FKBP15: variants seen among roughly 807,000 people sequenced by gnomAD.
FKBP15 encodes FKBP prolyl isomerase family member 15, also known as FK506-binding protein 15.
A neutral mutation model predicts 158.1 loss-of-function variants in FKBP15; 106 were observed. The ratio of observed to expected loss-of-function variants is 0.67; its 90% CI spans 0.57 to 0.79. FKBP15 has a LOEUF of 0.79. Ranked by LOEUF, FKBP15 falls within the 30% of genes least tolerant of loss-of-function variation. The probability of loss-of-function intolerance (pLI) is 0.00; values close to 1 mark genes in which losing one functional copy is unlikely to be tolerated. For synonymous variants in FKBP15, 547 were observed against 548.6 expected (o/e 1.00, Z 0.04); for missense variants, 1,287 against 1,479.1 (o/e 0.87, Z 2.13).
chr9:113,210,793 G>C (rs555572188), intron 2 of FKBP15, among the ~76,000 whole-genome samples: 1 of 152,316 alleles, frequency 6.6e-6, no homozygotes, highest in African/African-American at 2.4e-5. Flanking sequence ...GAAGAAGGTG[G>C]AAGGGGCTGA....
chr9:113,161,559 G>A lies in FKBP15; in HGVS notation c.*4519C>T. On this transcript the variant is annotated 3_prime_UTR_variant, in exon 28 of 28. Transcript: ENST00000238256. ...CCTGCTTCTGGCTGTACTGTATGAAGGCATCAAGGTTGGCAAAGCCAAGCT... is the reference window on the plus strand; with the variant it reads ...CCTGCTTCTGGCTGTACTGTATGAAAGCATCAAGGTTGGCAAAGCCAAGCT... 6.2e-7 allele frequency: 1 copy of A among 1,614,024 alleles called. No individual in the cohort carries two copies. Among genetic ancestry groups the A allele is most frequent in the East Asian group, 2.2e-5 (1 of 44,882 alleles).
At chr9:113,200,651 T>A (rs1387469243) in intron 6 of FKBP15, among the ~76,000 whole-genome samples, 1 of 152,198 alleles carries the variant, frequency 6.6e-6, no homozygotes, top group African/African-American at 2.4e-5. Flanking sequence ...CAATATAGTA[T>A]GAAAGATCTT....
Position 113,169,303 on chromosome 9 carries a change from T to C in FKBP15, c.3406A>G (p.Lys1136Glu), listed in dbSNP as rs1336675905. 27 of 1,614,032 alleles carry C rather than the reference T, an allele frequency of 1.7e-5. No homozygotes were observed. In the African/African-American group the frequency reaches 3.1e-4, roughly 18 times the overall value. The change falls in exon 26 of 28, where the codon AAG becomes GAG. Residue 1136 changes from lysine to glutamate, a missense_variant. Coordinates refer to ENST00000238256, the MANE Select transcript of FKBP15 (RefSeq NM_015258.2). Reference protein sequence around the residue: ...DDVTSSTGPHKELSSTEAGST... With the variant: ...DDVTSSTGPHEELSSTEAGST... ...CCTGCCTCTGTGCTTGACAGCTCCTTGTGGGGACCGGTGGAGCTAGTGACA... is the reference window on the plus strand; with the variant it reads ...CCTGCCTCTGTGCTTGACAGCTCCTCGTGGGGACCGGTGGAGCTAGTGACA...
chr9:113,181,974 A>G (rs1361729476), intron 19 of FKBP15, among the ~76,000 whole-genome samples: 1 of 152,214 alleles, frequency 6.6e-6, no homozygotes, highest in Non-Finnish European at 1.5e-5. Flanking sequence ...AGGGCTGTGC[A>G]GGATGAGGCA....
At chr9:113,166,286 A>C (rs16910202) in intron 27 of FKBP15, 131 bp from the exon 28 acceptor site, 222,845 of 716,748 alleles carry the variant, frequency 0.31, 35,935 homozygotes, top group Middle Eastern at 0.38. Flanking sequence ...GACAGGGCCA[A>C]CTCTGAGGCC....
At chr9:113,186,502 G>T in intron 14 of FKBP15, 139 bp from the exon 15 acceptor site, 1 of 656,536 alleles carries the variant, frequency 1.5e-6, no homozygotes, top group Non-Finnish European at 2.7e-6. Context: ...GTGAGATCTG[G>T]GTTTGGCAGT....
intron 9 of FKBP15, 116 bp from the exon 10 acceptor site, chr9:113,194,285 A>G (rs1382002135): frequency 1.4e-6 from 1 of 720,428 alleles, no homozygotes; most frequent in Non-Finnish European, 2.2e-6. Flanking sequence ...GGTAGAGGGG[A>G]GGGATAGCAT....
Position 113,206,712 on chromosome 9 carries a change from A to ATTT in FKBP15, c.255-137_255-135dup, listed in dbSNP as rs35902681. Reference sequence around the variant, plus strand: ...CAGGGACACAGGTGAGCGGTTTAAAATTTTTTTTTTTTTTTTTTTTTTTGA... The same window carrying ATTT: ...CAGGGACACAGGTGAGCGGTTTAAAATTTTTTTTTTTTTTTTTTTTTTTTTTGA... On this transcript the variant is annotated intron_variant, in intron 3 of 27. Transcript: ENST00000238256. 2.4e-3 allele frequency: 698 copies of ATTT among 289,560 alleles called. 1 individual carries two copies. Among genetic ancestry groups the ATTT allele is most frequent in the Middle Eastern group, 3.9e-3 (4 of 1,020 alleles). 17.9% of individuals were successfully genotyped at this position (289,560 alleles called of 1,614,324 possible).
rs1373335976 is a variant in FKBP15 at position 113,198,470 on chromosome 9, AG to A, written c.717+384del. Among the ~76,000 whole-genome samples the A allele has an allele frequency of 6.6e-6, 1 of 152,188 alleles. No individual in the cohort carries two copies. Among genetic ancestry groups the A allele is most frequent in the Non-Finnish European group, 1.5e-5 (1 of 68,028 alleles). On this transcript the variant is annotated intron_variant, in intron 8 of 27. Coordinates refer to ENST00000238256, the MANE Select transcript of FKBP15 (RefSeq NM_015258.2). This position sits in a 1 kb window ranked among gnomAD's most constrained non-coding sequence, Gnocchi z 5.2. ...AAGATAACCTGATTAGAAATTCCAC[AG>A]GCCGGACATGGTGGTTCATGCCTGT...
rs73655816 is a variant in FKBP15 at position 113,187,861 on chromosome 9, C to A, written c.1315G>T (p.Ala439Ser). Residue 439 changes from alanine (A) to serine (S), a missense_variant, in exon 14 of 28, where the codon GCT (alanine) becomes TCT (serine). By Grantham distance (99) the Ala-to-Ser change is moderately conservative. Transcript: ENST00000238256. Reference protein sequence around the residue: ...PSVTGLQAPSAALMQVSSLDS... With the variant: ...PSVTGLQAPSSALMQVSSLDS... Reference sequence around the variant, plus strand: ...AGAGATGACACTTGCATTAAGGCAGCAGAAGGTGCCTGGAGCCCAGTAACA... The same window carrying A: ...AGAGATGACACTTGCATTAAGGCAGAAGAAGGTGCCTGGAGCCCAGTAACA... 26 of 1,613,796 alleles carry A rather than the reference C, an allele frequency of 1.6e-5. No individual in the cohort carries two copies. Among genetic ancestry groups the A allele is most frequent in the Non-Finnish European group, 2.2e-5 (26 of 1,179,876 alleles).
In FKBP15 at chr9:113,202,966, G is replaced by A. The variant is rs1465993355; in HGVS notation, c.394C>T (p.Leu132=). Residue 132 remains leucine (L), a synonymous_variant, in exon 5 of 28, where the codon CTA becomes TTA. Transcript: ENST00000238256. ...TVARIHVNFE[L]MVRPNNYSTF... ...CCAATATGATGAAGTCTTACCATTA[G>A]CTCAAAGTTCACATGAATCCTAGCA... 1 of 1,611,090 alleles carries A rather than the reference G, an allele frequency of 6.2e-7. No individual in the cohort carries two copies. Among genetic ancestry groups the A allele is most frequent in the East Asian group, 2.2e-5 (1 of 44,842 alleles).
At position 113,165,074 on chromosome 9, in the gene FKBP15, C is replaced by A. The variant is rs901936905; in HGVS notation, c.*1004G>T. The A allele has an allele frequency of 5.9e-5, 9 of 151,958 alleles. No individual in the cohort carries two copies. Among genetic ancestry groups the A allele is most frequent in the Non-Finnish European group, 1.0e-4 (7 of 67,978 alleles). 9.4% of individuals were successfully genotyped at this position (151,958 alleles called of 1,614,324 possible). On this transcript the variant is annotated 3_prime_UTR_variant, in exon 28 of 28. Coordinates refer to ENST00000238256, the MANE Select transcript of FKBP15 (RefSeq NM_015258.2). The stretch of plus-strand genomic sequence containing the variant: ...TTTTTTTAAAGACTGATTGCATAAT[C>A]TTTGGAAGATCCTGGAATCAAGAAA...
rs1128774 is a variant in FKBP15 at position 113,163,116 on chromosome 9, G to C, written c.*2962C>G. 31 of 500,866 alleles carry C rather than the reference G, an allele frequency of 6.2e-5. 1 individual carries two copies. In the South Asian group the frequency reaches 7.8e-4, roughly 13 times the overall value. 31.0% of individuals were successfully genotyped at this position (500,866 alleles called of 1,614,324 possible). On this transcript the variant is annotated 3_prime_UTR_variant, in exon 28 of 28. Coordinates refer to ENST00000238256, the MANE Select transcript of FKBP15 (RefSeq NM_015258.2). Reference sequence around the variant, plus strand: ...CAACCTTCCTTCTCAGCCAGCCTACGTAGGGCCCAGGCATGGTCTTGTGTC... The same window carrying C: ...CAACCTTCCTTCTCAGCCAGCCTACCTAGGGCCCAGGCATGGTCTTGTGTC...
intron 6 of FKBP15, 83 bp from the exon 7 acceptor site, chr9:113,200,046 A>AGAGCAG: frequency 2.1e-6 from 3 of 1,412,560 alleles, no homozygotes; most frequent in Non-Finnish European, 2.9e-6. Context: ...TCTTTCTCAA[A>AGAGCAG]TAGCTTCATC....
At chr9:113,197,166 C>T (rs1251852268) in intron 8 of FKBP15, 88 bp from the exon 9 acceptor site, 2 of 1,514,004 alleles carry the variant, frequency 1.3e-6, no homozygotes, top group East Asian at 4.5e-5. Flanking sequence ...TTCACTTATC[C>T]ACACTTTCAC....
At chr9:113,170,360 G>A (rs2118860401) in intron 25 of FKBP15, among the ~76,000 whole-genome samples, 162 bp downstream of exon 25, 1 of 152,262 alleles carries the variant, frequency 6.6e-6, no homozygotes, top group East Asian at 1.9e-4. Flanking sequence ...TCAAGCTCCT[G>A]GCCTCAAGCA....
chr9:113,186,248 C>G lies in FKBP15; in HGVS notation c.1498+1G>C. 6.4e-7 allele frequency: 1 copy of G among 1,555,814 alleles called. No individual in the cohort carries two copies. On this transcript the variant is annotated splice_donor_variant, in intron 15 of 27. Transcript: ENST00000238256. LOFTEE classifies it high-confidence loss of function. ...GAGAAACTGAGGGAATTACTCCCTA[C>G]CTTGGAAATGGGGAGGCTGAGAGAG...
chr9:113,211,890 A>T (rs555436809), intron 1 of FKBP15, among the ~76,000 whole-genome samples: 1 of 152,262 alleles, frequency 6.6e-6, no homozygotes, highest in East Asian at 1.9e-4. Flanking sequence ...TCTGGACCTC[A>T]GTTTTTCCAC....
At chr9:113,207,867 A>G (rs749116811) in intron 2 of FKBP15, among the ~76,000 whole-genome samples, 3 of 152,104 alleles carry the variant, frequency 2.0e-5, no homozygotes, top group South Asian at 2.1e-4. Context: ...ACACACCCCA[A>G]ATAAGTCTTT....
Sources: gnomAD v4.1 joint callset for allele counts (sites outside exome capture counted in the v4.1 genomes callset) on GRCh38, gnomAD v4.1.1 for gene constraint, Gnocchi (gnomAD v3.1) non-coding constraint, MANE v1.5 for transcripts, NCBI Gene and HGNC (gene_info 2026-07-23, HGNC 2026-07-21) for gene names.